MYO1B: variants seen among roughly 807,000 people sequenced by gnomAD.
The protein encoded by MYO1B is myosin IB, also known as unconventional myosin-Ib.
In MYO1B, 72 loss-of-function variants were observed where a neutral mutation model predicts 159.7. The observed-to-expected ratio is 0.45, with a 90% CI of 0.37 to 0.55. The LOEUF is 0.55. Among genes scored for constraint, MYO1B ranks in the 20% least tolerant of loss-of-function variants. The pLI is 0.00. For synonymous variants in MYO1B, 468 were observed against 473.8 expected, an observed-to-expected ratio of 0.99 and a Z score of 0.16; for missense variants, 1,062 against 1,364.8, an observed-to-expected ratio of 0.78 and a Z score of 3.50.
At chr2:191,362,091 T>C (rs990858827) in intron 8 of MYO1B, among the ~76,000 whole-genome samples, 177 bp from the exon 9 acceptor site, 3 of 152,240 alleles carry the variant, frequency 2.0e-5, no homozygotes, top group African/African-American at 7.2e-5. Context: ...ATCACAGTGA[T>C]TAAAGTCATT....
Position 191,408,158 on chromosome 2 carries a change from A to G in MYO1B, c.2600A>G (p.Lys867Arg), listed in dbSNP as rs1368744806. ...AAATTCTTCAGAGCCAATGCTGGAA[A>G]GAAAATCTATGAGTTTACGCTTCAG... ...YRKFFRANAG[K>R]KIYEFTLQRI... Residue 867 changes from lysine (K) to arginine (R), a missense_variant, in exon 25 of 31, where the codon AAG becomes AGG. By Grantham distance (26) the Lys-to-Arg change is conservative. Around this residue, in one of 5 missense-constraint regions of MYO1B, gnomAD observed 609 missense variants for 744.4 expected, o/e 0.82. Transcript: ENST00000392318. 1.2e-6 allele frequency: 2 copies of G among 1,613,398 alleles called. No individual in the cohort carries two copies. Among genetic ancestry groups the G allele is most frequent in the Non-Finnish European group, 1.7e-6 (2 of 1,179,564 alleles).
chr2:191,260,593 C>T (rs1437215426), intron 1 of MYO1B, among the ~76,000 whole-genome samples: 1 of 152,032 alleles, frequency 6.6e-6, no homozygotes, highest in East Asian at 1.9e-4. Flanking sequence ...TAGCTACTTA[C>T]AATAGAAGCA....
At chr2:191,369,009 GA>G (rs556744776) in intron 11 of MYO1B, among the ~76,000 whole-genome samples, 44 of 151,916 alleles carry the variant, frequency 2.9e-4, no homozygotes, top group African/African-American at 9.7e-4. Context: ...ATTGAGTGAA[GA>G]AAAAAAATTT....
At chr2:191,262,976 G>A (rs868475318) in intron 1 of MYO1B, 2 of 152,126 alleles carry the variant, frequency 1.3e-5, no homozygotes, top group Middle Eastern at 6.8e-3. Context: ...ATATTATACT[G>A]GTTATCTTAC....
At chr2:191,374,559 A>G (rs2126051158) in intron 13 of MYO1B, among the ~76,000 whole-genome samples, 2 of 152,316 alleles carry the variant, frequency 1.3e-5, no homozygotes, top group Middle Eastern at 6.8e-3. Context: ...GAAGAGGGAA[A>G]CTGATGCATT....
In MYO1B at chr2:191,394,902, T is replaced by C. The variant is rs575691398; in HGVS notation, c.2227-1527T>C. Among the ~76,000 whole-genome samples, 18 of 152,326 alleles carry C rather than the reference T, an allele frequency of 1.2e-4. No homozygotes were observed. In the South Asian group the frequency reaches 3.3e-3, roughly 28 times the overall value. ...ATAGCCCCAGTTTTAGAGAATGCATTAACTTTGTTCTAATGTTACATCTCT... is the reference window on the plus strand; with the variant it reads ...ATAGCCCCAGTTTTAGAGAATGCATCAACTTTGTTCTAATGTTACATCTCT... On this transcript the variant is annotated intron_variant, in intron 20 of 30. Coordinates refer to ENST00000392318, the MANE Select transcript of MYO1B (RefSeq NM_001130158.3).
At chr2:191,311,739 A>G (rs1363305884) in intron 3 of MYO1B, among the ~76,000 whole-genome samples, 5 of 152,224 alleles carry the variant, frequency 3.3e-5, no homozygotes, top group African/African-American at 1.2e-4. Context: ...GTGTTACTGA[A>G]GTATAAAGAT....
intron 1 of MYO1B, among the ~76,000 whole-genome samples, chr2:191,257,180 T>C (rs1686504260): frequency 6.6e-6 from 1 of 152,198 alleles, no homozygotes; most frequent in Admixed American, 6.5e-5. Context: ...AATATAACTT[T>C]TCACTCTCAG....
chr2:191,357,105 CT>C (rs2125999867), intron 7 of MYO1B, among the ~76,000 whole-genome samples: 1 of 152,320 alleles, frequency 6.6e-6, no homozygotes, highest in Non-Finnish European at 1.5e-5. Context: ...TTTTATCATA[CT>C]ATCTAATCCT....
intron 2 of MYO1B, among the ~76,000 whole-genome samples, chr2:191,283,639 A>C (rs969584097): frequency 1.3e-5 from 2 of 152,252 alleles, no homozygotes; most frequent in African/African-American, 4.8e-5. Context: ...ACCGAGGCTC[A>C]TAAAGGCTAA....
chr2:191,258,855 AC>A (rs1303156084), intron 1 of MYO1B, among the ~76,000 whole-genome samples: 2 of 152,222 alleles, frequency 1.3e-5, no homozygotes, highest in Non-Finnish European at 2.9e-5. Context: ...AGTTTAAAAA[AC>A]AATACAAAGG....
chr2:191,360,422 A>G (rs902429124), intron 7 of MYO1B, among the ~76,000 whole-genome samples: 1 of 152,236 alleles, frequency 6.6e-6, no homozygotes, highest in African/African-American at 2.4e-5. Flanking sequence ...TTATATATTC[A>G]TTATTTAAAA....
intron 14 of MYO1B, 60 bp from the exon 15 acceptor site, chr2:191,383,220 G>T: frequency 1.0e-6 from 1 of 999,042 alleles, no homozygotes; most frequent in South Asian, 1.5e-5. Flanking sequence ...TCTGTTTTAT[G>T]GATGGTAGTG....
intron 2 of MYO1B, among the ~76,000 whole-genome samples, chr2:191,284,281 A>G (rs1440437892): frequency 2.0e-5 from 3 of 152,228 alleles, no homozygotes; most frequent in Non-Finnish European, 4.4e-5. Flanking sequence ...ATAGTGCAGA[A>G]AAATTTTAAT....
chr2:191,362,701 G>A (rs1438003555), intron 9 of MYO1B, among the ~76,000 whole-genome samples: 1 of 152,008 alleles, frequency 6.6e-6, no homozygotes, highest in Non-Finnish European at 1.5e-5. Context: ...ACTGCCCTTG[G>A]ATCATGTTAA....
chr2:191,387,266 C>T lies in MYO1B; in HGVS notation c.1597C>T (p.Leu533Phe). 1 of 1,614,164 alleles carries T rather than the reference C, an allele frequency of 6.2e-7. No homozygotes were observed. Among genetic ancestry groups the T allele is most frequent in the South Asian group, 1.1e-5 (1 of 91,082 alleles). Residue 533 changes from leucine to phenylalanine, a missense_variant, in exon 17 of 31, where the codon CTT becomes TTT. This residue lies in a region of MYO1B where 609 missense variants were observed against 744.4 expected (regional missense o/e 0.82). Coordinates refer to ENST00000392318, the MANE Select transcript of MYO1B (RefSeq NM_001130158.3). ...AGGATTCGTTGACAAAAACAATGAC[C>T]TTCTCTATCGAGACCTGTCCCAAGC... ...VEGFVDKNND[L>F]LYRDLSQAMW...
chr2:191,325,604 G>A (rs1327067865), intron 3 of MYO1B, among the ~76,000 whole-genome samples: 1 of 152,130 alleles, frequency 6.6e-6, no homozygotes, highest in Non-Finnish European at 1.5e-5. Flanking sequence ...AGCTTTGGAT[G>A]TATTTCGGTG....
At chr2:191,407,233 TC>T (rs1287135078) in intron 24 of MYO1B, among the ~76,000 whole-genome samples, 4 of 152,170 alleles carry the variant, frequency 2.6e-5, no homozygotes, top group Non-Finnish European at 4.4e-5. Context: ...CTAGCTTACA[TC>T]CCGTAATGTA....
chr2:191,304,638 C>T (rs1361291054), intron 3 of MYO1B, among the ~76,000 whole-genome samples: 1 of 152,134 alleles, frequency 6.6e-6, no homozygotes, highest in African/African-American at 2.4e-5. Context: ...CAGAAAGAGA[C>T]CTCAGCTAAT....
Sources: gnomAD v4.1 joint callset for allele counts (sites outside exome capture counted in the v4.1 genomes callset) on GRCh38, gnomAD v4.1.1 for gene constraint, gnomAD v4.1.1 regional missense constraint, MANE v1.5 for transcripts, NCBI Gene and HGNC (gene_info 2026-07-23, HGNC 2026-07-21) for gene names.